Variants in GRIK3 observed in about 807,000 individuals in gnomAD.
The protein encoded by GRIK3 is glutamate ionotropic receptor kainate type subunit 3, also known as glutamate receptor ionotropic, kainate 3.
In GRIK3, 29 loss-of-function variants were observed where a neutral mutation model predicts 102.5. The ratio of observed to expected loss-of-function variants is 0.28; its 90% CI spans 0.21 to 0.39. GRIK3 has a LOEUF of 0.39. Ranked by LOEUF, GRIK3 falls within the 10% of genes least tolerant of loss-of-function variation. The pLI, the probability that GRIK3 is intolerant of heterozygous loss-of-function variation, is 1.00. For missense variants in GRIK3, 908 were observed against 1,252.4 expected (o/e 0.73, Z 4.15); for synonymous variants, 511 against 504.9 (o/e 1.01, Z -0.16).
chr1:37,018,601 A>C (rs1299078990), intron 1 of GRIK3, among the ~76,000 whole-genome samples: 2 of 152,152 alleles, frequency 1.3e-5, no homozygotes, highest in Non-Finnish European at 2.9e-5. Context: ...GAAAGCATTA[A>C]TATTTTTGCT....
chr1:37,013,606 G>A (rs150562862), intron 1 of GRIK3, among the ~76,000 whole-genome samples: 2 of 152,310 alleles, frequency 1.3e-5, no homozygotes, highest in East Asian at 1.9e-4. Context: ...AGGCCCCTCC[G>A]CTGCCGAGAG....
At chr1:36,919,009 T>C (rs1366843676) in intron 1 of GRIK3, among the ~76,000 whole-genome samples, 1 of 152,220 alleles carries the variant, frequency 6.6e-6, no homozygotes, top group African/African-American at 2.4e-5. Flanking sequence ...AACCTTGCTT[T>C]GATAAAAGCT....
chr1:37,023,843 C>T (rs186854346), intron 1 of GRIK3, among the ~76,000 whole-genome samples: 118 of 152,304 alleles, frequency 7.7e-4, no homozygotes, highest in African/African-American at 2.4e-3. Context: ...GGGTGTAATC[C>T]ATACCTGCTT....
intron 3 of GRIK3, among the ~76,000 whole-genome samples, chr1:36,878,981 C>T (rs1302481531): frequency 2.6e-5 from 4 of 152,122 alleles, no homozygotes; most frequent in African/African-American, 9.7e-5. Flanking sequence ...CCCACACATC[C>T]TCACAAGGAT....
At chr1:36,814,510 C>CA (rs1642600881) in intron 13 of GRIK3, among the ~76,000 whole-genome samples, 3 of 83,072 alleles carry the variant, frequency 3.6e-5, no homozygotes, top group African/African-American at 6.3e-5. Flanking sequence ...CATACATAGA[C>CA]CCCCCCCCCC....
At chr1:36,853,997 A>C (rs1640618262) in intron 7 of GRIK3, among the ~76,000 whole-genome samples, 1 of 152,176 alleles carries the variant, frequency 6.6e-6, no homozygotes, top group African/African-American at 2.4e-5. Context: ...CCCTGAAGTC[A>C]TGGGAAGGGG....
chr1:36,826,919 G>T (rs1291911098), intron 10 of GRIK3, among the ~76,000 whole-genome samples: 1 of 151,972 alleles, frequency 6.6e-6, no homozygotes, highest in Non-Finnish European at 1.5e-5. Flanking sequence ...GACCCCACTG[G>T]CATCCTCCCC....
At chr1:36,906,337 G>A (rs528584772) in intron 1 of GRIK3, among the ~76,000 whole-genome samples, 3 of 138,440 alleles carry the variant, frequency 2.2e-5, no homozygotes, top group East Asian at 5.0e-4. Flanking sequence ...CAGTTTCTCC[G>A]AGACTCAGTT....
intron 1 of GRIK3, among the ~76,000 whole-genome samples, chr1:36,980,963 A>G (rs1425151766): frequency 6.7e-6 from 1 of 149,734 alleles, no homozygotes; most frequent in Non-Finnish European, 1.5e-5. Context: ...AGAAACAATG[A>G]GTGGATGATT....
chr1:36,963,529 A>G (rs995063402), intron 1 of GRIK3, among the ~76,000 whole-genome samples: 20 of 152,140 alleles, frequency 1.3e-4, no homozygotes, highest in African/African-American at 4.8e-4. Context: ...AACCACTCTG[A>G]GCCGCATGCC....
intron 1 of GRIK3, among the ~76,000 whole-genome samples, chr1:36,928,135 C>T (rs764764419): frequency 3.1e-4 from 47 of 152,206 alleles, no homozygotes; most frequent in Middle Eastern, 3.4e-3. Flanking sequence ...TGGGTCATCT[C>T]TGAGGCTCCT....
intron 1 of GRIK3, among the ~76,000 whole-genome samples, chr1:36,969,623 T>C (rs1172920680): frequency 1.3e-5 from 2 of 152,136 alleles, no homozygotes; most frequent in African/African-American, 4.8e-5. Flanking sequence ...TGGGTGTGCA[T>C]GATGAGGAAA....
intron 1 of GRIK3, among the ~76,000 whole-genome samples, chr1:36,948,277 G>A (rs1641806303): frequency 6.6e-6 from 1 of 152,216 alleles, no homozygotes; most frequent in African/African-American, 2.4e-5. Context: ...GCCCTACTAT[G>A]TGCCAATGCT....
chr1:36,911,378 A>G (rs1394031950), intron 1 of GRIK3, among the ~76,000 whole-genome samples: 1 of 152,220 alleles, frequency 6.6e-6, no homozygotes, highest in Non-Finnish European at 1.5e-5. Context: ...AGAGATATTA[A>G]TAGTGTTTAC....
At position 36,860,014 on chromosome 1, in the gene GRIK3, G is replaced by T; in HGVS notation, c.790C>A (p.Leu264Ile). 1 of 1,584,786 alleles carries T rather than the reference G, an allele frequency of 6.3e-7. No homozygotes were observed. Among genetic ancestry groups the T allele is most frequent in the Admixed American group, 1.8e-5 (1 of 56,470 alleles). ...YYHFIFTTLD[L>I]YALDLEPYRY... ...TAGGGCTCCAGGTCTAAAGCGTAGA[G>T]ATCCTGGATAGAGAGAGGTCTGTGT... Residue 264 changes from leucine to isoleucine, a missense_variant, in exon 6 of 16, where the codon CTC (leucine) becomes ATC (isoleucine). Physicochemically the swap from Leu to Ile is conservative, Grantham distance 5 (BLOSUM62 2). Coordinates refer to ENST00000373091, the MANE Select transcript of GRIK3 (RefSeq NM_000831.4).
intron 1 of GRIK3, among the ~76,000 whole-genome samples, chr1:37,010,103 G>T (rs1474419191): frequency 1.3e-5 from 2 of 152,184 alleles, no homozygotes; most frequent in African/African-American, 4.8e-5. Context: ...GAACAGGAGG[G>T]CAACTGTAGT....
chr1:36,937,269 G>C (rs935866766), intron 1 of GRIK3, among the ~76,000 whole-genome samples: 12 of 152,126 alleles, frequency 7.9e-5, no homozygotes, highest in Non-Finnish European at 1.8e-4. Flanking sequence ...CCACGCCCTC[G>C]AGTGAACAAC....
intron 1 of GRIK3, among the ~76,000 whole-genome samples, chr1:37,015,647 G>C (rs1356203552): frequency 2.0e-5 from 3 of 152,192 alleles, no homozygotes; most frequent in Admixed American, 6.5e-5. Context: ...TAGCCAGGGA[G>C]AGGGTGCCAA....
chr1:37,002,887 C>T lies in GRIK3; in HGVS notation c.115+31107G>A, dbSNP rs368397623. The stretch of plus-strand genomic sequence containing the variant: ...AACTCCTGGCCTCAAGTGATCCACC[C>T]GCCTTGGCCTCCTAAAGTGCTAGGA... On this transcript the variant is annotated intron_variant, in intron 1 of 15. Coordinates refer to ENST00000373091, the MANE Select transcript of GRIK3 (RefSeq NM_000831.4). Among the ~76,000 whole-genome samples, 10 of 152,124 alleles carry T rather than the reference C, an allele frequency of 6.6e-5. No individual in the cohort carries two copies. The East Asian group carries it at 7.7e-4, about 12-fold the overall frequency.
Sources: allele counts gnomAD v4.1 joint callset (sites outside exome capture counted in the v4.1 genomes callset), GRCh38; gene constraint gnomAD v4.1.1; transcripts MANE v1.5; gene names NCBI Gene and HGNC (gene_info 2026-07-23, HGNC 2026-07-21).